The following ADGRV1 variants were observed in gnomAD, a reference collection of about 807,000 sequenced individuals.
The protein encoded by ADGRV1 is adhesion G protein-coupled receptor V1.
A neutral mutation model predicts 596.2 loss-of-function variants in ADGRV1; 359 were observed. The ratio of observed to expected loss-of-function variants is 0.60; its 90% CI spans 0.55 to 0.66. ADGRV1 has a LOEUF of 0.66. Among genes scored for constraint, ADGRV1 ranks in the 30% least tolerant of loss-of-function variants. The pLI is 0.00. For missense variants in ADGRV1, 7,274 were observed against 7,575.6 expected, an observed-to-expected ratio of 0.96 and a Z score of 1.48; for synonymous variants, 2,681 against 2,679.2, an observed-to-expected ratio of 1.00 and a Z score of -0.02.
intron 89 of ADGRV1, among the ~76,000 whole-genome samples, chr5:91,163,119 A>G (rs1005108659): frequency 2.0e-5 from 3 of 151,794 alleles, no homozygotes; most frequent in African/African-American, 7.3e-5. Flanking sequence ...CTGAGTTGTG[A>G]AAAAAAAAGT....
intron 89 of ADGRV1, among the ~76,000 whole-genome samples, chr5:91,154,638 A>G (rs1796322308): frequency 6.6e-6 from 1 of 152,206 alleles, no homozygotes; most frequent in South Asian, 2.1e-4. Flanking sequence ...GAAATACTGG[A>G]AACTGGGTAA....
At chr5:90,827,977 C>T (rs1432389313) in intron 76 of ADGRV1, among the ~76,000 whole-genome samples, 1 of 152,108 alleles carries the variant, frequency 6.6e-6, no homozygotes, top group African/African-American at 2.4e-5. Flanking sequence ...AATGTCACTG[C>T]AGTTGTAAAG....
intron 61 of ADGRV1, 122 bp from the exon 62 acceptor site, chr5:90,777,783 A>T: frequency 1.1e-6 from 1 of 894,506 alleles, no homozygotes; most frequent in Non-Finnish European, 1.6e-6. Context: ...AAATGAGGTT[A>T]TTTAAAAGAA....
intron 25 of ADGRV1, among the ~76,000 whole-genome samples, 166 bp from the exon 26 acceptor site, chr5:90,679,383 C>G (rs1251570413): frequency 2.0e-5 from 3 of 152,044 alleles, no homozygotes; most frequent in African/African-American, 7.2e-5. Flanking sequence ...TTGACTGGTG[C>G]TATAATTCTA....
At chr5:90,707,358 A>G (rs1748739047) in intron 38 of ADGRV1, among the ~76,000 whole-genome samples, 1 of 152,120 alleles carries the variant, frequency 6.6e-6, no homozygotes, top group South Asian at 2.1e-4. Context: ...GGGAGAAAGC[A>G]TGAATATTGC....
chr5:91,111,087 G>C (rs993681433), intron 87 of ADGRV1, among the ~76,000 whole-genome samples: 1 of 152,124 alleles, frequency 6.6e-6, no homozygotes, highest in Non-Finnish European at 1.5e-5. Context: ...CTGCTAAATG[G>C]TTGGGAAATA....
intron 85 of ADGRV1, among the ~76,000 whole-genome samples, chr5:91,029,321 CACTT>C (rs1784295078): frequency 6.6e-6 from 1 of 152,158 alleles, no homozygotes; most frequent in Admixed American, 6.5e-5. Flanking sequence ...TTAGTTGACT[CACTT>C]AAACTATTAC....
At chr5:90,625,414 T>A in intron 6 of ADGRV1, 171 bp downstream of exon 6, 1 of 468,734 alleles carries the variant, frequency 2.1e-6, no homozygotes. Flanking sequence ...ATTACACATC[T>A]AAAAGCTGAT....
chr5:90,665,951 T>C (rs570003061), intron 21 of ADGRV1, among the ~76,000 whole-genome samples: 6 of 150,046 alleles, frequency 4.0e-5, no homozygotes, highest in East Asian at 2.0e-4. Flanking sequence ...TCCTGAGTTC[T>C]AGTTTGATTG....
chr5:91,164,189 G>A lies in ADGRV1; in HGVS notation c.*289G>A. 3 of 422,750 alleles carry A rather than the reference G, an allele frequency of 7.1e-6. 1 individual carries two copies. The highest frequency in any genetic ancestry group is 1.3e-5 in the Non-Finnish European group (3 of 225,102). 26.2% of individuals were successfully genotyped at this position (422,750 alleles called of 1,614,324 possible). ...ATATGGCTAACATTGTTTAATGAAA[G>A]TAATAATCAATAAAGCAATAGAATC... On this transcript the variant is annotated 3_prime_UTR_variant, in exon 90 of 90. Coordinates refer to ENST00000405460, the MANE Select transcript of ADGRV1 (RefSeq NM_032119.4).
intron 86 of ADGRV1, among the ~76,000 whole-genome samples, chr5:91,079,366 A>T (rs1789136997): frequency 6.6e-6 from 1 of 152,202 alleles, no homozygotes; most frequent in African/African-American, 2.4e-5. Flanking sequence ...TTAAAAACAC[A>T]TACATATGGA....
chr5:91,152,693 A>T lies in ADGRV1; in HGVS notation c.18625-528A>T, dbSNP rs565101475. ...TTTTTGTTTTTTTAGTAGAGACAGGATGTCTCTCTGTCACCCAGGCTGGAG... is the reference window on the plus strand; with the variant it reads ...TTTTTGTTTTTTTAGTAGAGACAGGTTGTCTCTCTGTCACCCAGGCTGGAG... On this transcript the variant is annotated intron_variant, in intron 88 of 89. Transcript: ENST00000405460. Among the ~76,000 whole-genome samples the T allele has an allele frequency of 3.3e-5, 5 of 152,164 alleles. No homozygotes were observed. The South Asian group carries it at 6.2e-4, about 19-fold the overall frequency.
intron 85 of ADGRV1, among the ~76,000 whole-genome samples, chr5:91,009,746 T>G (rs921680434): frequency 1.3e-5 from 2 of 152,098 alleles, no homozygotes; most frequent in Non-Finnish European, 2.9e-5. Flanking sequence ...TTATATAATA[T>G]GTGTTTATAA....
chr5:90,731,227 G>C (rs1247885941), intron 50 of ADGRV1, among the ~76,000 whole-genome samples: 1 of 152,128 alleles, frequency 6.6e-6, no homozygotes, highest in African/African-American at 2.4e-5. Context: ...GGGGAAGCAA[G>C]CACCTTCTTT....
chr5:91,068,685 A>G (rs1233465997), intron 85 of ADGRV1, among the ~76,000 whole-genome samples: 1 of 152,164 alleles, frequency 6.6e-6, no homozygotes, highest in Non-Finnish European at 1.5e-5. Flanking sequence ...AGAGGAATCA[A>G]TATTGTTCAA....
At chr5:90,872,150 C>G (rs901872803) in intron 83 of ADGRV1, among the ~76,000 whole-genome samples, 1 of 152,114 alleles carries the variant, frequency 6.6e-6, no homozygotes, top group African/African-American at 2.4e-5. Flanking sequence ...GGGCCCCACC[C>G]TTTTTCAATA....
chr5:90,909,286 G>C (rs987685997), intron 83 of ADGRV1, among the ~76,000 whole-genome samples: 4 of 152,184 alleles, frequency 2.6e-5, no homozygotes, highest in African/African-American at 9.7e-5. Flanking sequence ...TGGATCTCCT[G>C]ATTCCTGAGT....
chr5:90,638,260 A>T lies in ADGRV1; in HGVS notation c.2240+312A>T, dbSNP rs1465442593. On this transcript the variant is annotated intron_variant, in intron 11 of 89. Transcript: ENST00000405460. ...TTGTTATATTAAAAAAAAAATAGGC[A>T]CCAGCAAATCTAAAATGTTAGGTTA... is the stretch of plus-strand genomic sequence containing the variant. Among the ~76,000 whole-genome samples the T allele has an allele frequency of 2.6e-5, 4 of 152,070 alleles. No homozygotes were observed. The South Asian group carries it at 6.2e-4, about 24-fold the overall frequency.
chr5:90,848,682 A>G lies in ADGRV1; in HGVS notation c.17065A>G (p.Thr5689Ala), dbSNP rs1303988473. ...KIQAFSVASRTLFYEILCSLI... is the reference protein window; with the variant it reads ...KIQAFSVASRALFYEILCSLI... The stretch of plus-strand genomic sequence containing the variant: ...TCAAGCTTTCAGTGTTGCCAGCCGA[A>G]CTCTTTTCTATGAGATTCTTTGTTC... The change falls in exon 79 of 90, where the codon ACT (threonine) becomes GCT (alanine). Residue 5689 changes from threonine (T) to alanine (A), a missense_variant. Around this residue, in one of 5 missense-constraint regions of ADGRV1, gnomAD observed 1,874 missense variants for 1,970.2 expected, o/e 0.95. Transcript: ENST00000405460. 6.4e-6 allele frequency: 10 copies of G among 1,567,610 alleles called. No individual in the cohort carries two copies. Among genetic ancestry groups the G allele is most frequent in the African/African-American group, 1.4e-5 (1 of 73,004 alleles).
Sources: allele counts gnomAD v4.1 joint callset (sites outside exome capture counted in the v4.1 genomes callset), GRCh38; gene constraint gnomAD v4.1.1; regional missense constraint gnomAD v4.1.1; transcripts MANE v1.5; gene names NCBI Gene and HGNC (gene_info 2026-07-23, HGNC 2026-07-21).